The following ISX variants were observed in gnomAD, a reference collection of about 807,000 sequenced individuals.
ISX encodes the protein intestine-specific homeobox.
Under a neutral mutation model 16.9 loss-of-function variants are expected in ISX, and 15 were observed. The observed-to-expected ratio is 0.89, with a 90% CI of 0.59 to 1.36. The LOEUF (loss-of-function observed/expected upper bound fraction) is 1.36. Ranked by LOEUF, ISX falls within the 40% of genes most tolerant of loss-of-function variation. The pLI is 0.00. For missense variants in ISX, 316 were observed against 306.1 expected (o/e 1.03, Z -0.24); for synonymous variants, 125 against 119.7 (o/e 1.04, Z -0.29).
intron 3 of ISX, 129 bp downstream of exon 3, chr22:35,082,798 T>G: frequency 1.1e-6 from 1 of 881,430 alleles, no homozygotes; most frequent in Non-Finnish European, 1.7e-6. Context: ...GTGAGTACAG[T>G]CATTTTGGCC....
chr22:35,083,889 G>A (rs1601562043), intron 3 of ISX, among the ~76,000 whole-genome samples: 1 of 152,390 alleles, frequency 6.6e-6, no homozygotes, highest in South Asian at 2.1e-4. Context: ...AATGCAGGGA[G>A]CTGCCAATAT....
At chr22:35,068,611 G>T (rs1008330033) in intron 2 of ISX, among the ~76,000 whole-genome samples, 3 of 152,178 alleles carry the variant, frequency 2.0e-5, no homozygotes, top group Admixed American at 6.5e-5. Flanking sequence ...TGAGAGAGAG[G>T]TCTCGCTTTT....
intron 2 of ISX, among the ~76,000 whole-genome samples, chr22:35,068,543 A>T (rs1928767499): frequency 6.6e-6 from 1 of 152,180 alleles, no homozygotes; most frequent in African/African-American, 2.4e-5. Context: ...GAACATTTCC[A>T]TTGGGGTCCT....
chr22:35,078,885 G>A (rs1286214398), intron 2 of ISX, among the ~76,000 whole-genome samples: 1 of 152,214 alleles, frequency 6.6e-6, no homozygotes, highest in African/African-American at 2.4e-5. Context: ...CCCAGAGACG[G>A]AGGATTACAA....
At chr22:35,069,932 C>T (rs1197986679) in intron 2 of ISX, among the ~76,000 whole-genome samples, 1 of 152,194 alleles carries the variant, frequency 6.6e-6, no homozygotes, top group Non-Finnish European at 1.5e-5. Context: ...CTGTCAGGCC[C>T]AGCAACCAAG....
chr22:35,070,729 G>A (rs1569110976), intron 2 of ISX, among the ~76,000 whole-genome samples: 5 of 152,260 alleles, frequency 3.3e-5, no homozygotes, highest in Admixed American at 2.0e-4. Flanking sequence ...GTCCCTGGCA[G>A]TGCCACCTTG....
At chr22:35,067,496 T>A (rs1928735507) in intron 2 of ISX, among the ~76,000 whole-genome samples, 180 bp downstream of exon 2, 1 of 152,228 alleles carries the variant, frequency 6.6e-6, no homozygotes. Flanking sequence ...ACTGTGCTTT[T>A]CAGCTTCAGA....
rs919705683 is a variant in ISX at position 35,083,978 on chromosome 22, C to T, written c.382-405C>T. 5.3e-5 allele frequency among the ~76,000 whole-genome samples: 8 copies of T among 152,268 alleles called. No individual in the cohort carries two copies. The East Asian group carries it at 1.5e-3, about 29-fold the overall frequency. Reference sequence around the variant, plus strand: ...ACACATGACTTCCATTTGGTCTGCACAGTAGTTTAAAACTCAGAAGCTTTC... The same window carrying T: ...ACACATGACTTCCATTTGGTCTGCATAGTAGTTTAAAACTCAGAAGCTTTC... On this transcript the variant is annotated intron_variant, in intron 3 of 4. Coordinates refer to ENST00000404699, the MANE Select transcript of ISX (RefSeq NM_001303508.2).
At chr22:35,077,032 T>C (rs1273899788) in intron 2 of ISX, among the ~76,000 whole-genome samples, 1 of 152,190 alleles carries the variant, frequency 6.6e-6, no homozygotes, top group East Asian at 1.9e-4. Flanking sequence ...GATGCTGGGC[T>C]GGATGGGAAC....
intron 2 of ISX, among the ~76,000 whole-genome samples, chr22:35,081,678 G>A (rs1929126342): frequency 6.6e-6 from 1 of 152,168 alleles, no homozygotes; most frequent in South Asian, 2.1e-4. Flanking sequence ...GTGGAACCAA[G>A]TTTCTTCATG....
chr22:35,081,660 G>A (rs977189398), intron 2 of ISX, among the ~76,000 whole-genome samples: 4 of 152,172 alleles, frequency 2.6e-5, no homozygotes, highest in Non-Finnish European at 4.4e-5. Context: ...CAAGCACTGA[G>A]TTGCAGAGTG....
At chr22:35,079,840 A>T (rs188520601) in intron 2 of ISX, among the ~76,000 whole-genome samples, 94 of 152,320 alleles carry the variant, frequency 6.2e-4, no homozygotes, top group African/African-American at 2.2e-3. Flanking sequence ...TAAGACAAGG[A>T]TTTTAATTCT....
intron 3 of ISX, among the ~76,000 whole-genome samples, chr22:35,083,154 AT>A (rs1330061057): frequency 2.0e-5 from 3 of 152,232 alleles, no homozygotes; most frequent in Non-Finnish European, 4.4e-5. Flanking sequence ...TGAACATGAA[AT>A]TTGAATGTTG....
chr22:35,075,622 C>T (rs986005740), intron 2 of ISX, among the ~76,000 whole-genome samples: 8 of 152,036 alleles, frequency 5.3e-5, no homozygotes, highest in African/African-American at 1.9e-4. Flanking sequence ...TTTTTAAATA[C>T]GTAAGTAAAA....
chr22:35,067,205 C>A lies in ISX; in HGVS notation c.118C>A (p.Pro40Thr). The A allele has an allele frequency of 6.2e-7, 1 of 1,611,486 alleles. No individual in the cohort carries two copies. The highest frequency in any genetic ancestry group is 8.5e-7 in the Non-Finnish European group (1 of 1,178,772). Reference protein sequence around the residue: ...SFSIEAILKRPARRSDMDRPE... With the variant: ...SFSIEAILKRTARRSDMDRPE... ...CTCCATTGAGGCGATCCTAAAGAGG[C>A]CTGCCAGGAGGAGTGATATGGACAG... is the stretch of plus-strand genomic sequence containing the variant. The change falls in exon 2 of 5, where the codon CCT becomes ACT. Residue 40 changes from proline to threonine, a missense_variant. Coordinates refer to ENST00000404699, the MANE Select transcript of ISX (RefSeq NM_001303508.2).
At chr22:35,069,046 C>CTA (rs1928780577) in intron 2 of ISX, among the ~76,000 whole-genome samples, 4 of 152,140 alleles carry the variant, frequency 2.6e-5, no homozygotes, top group Non-Finnish European at 5.9e-5. Flanking sequence ...GGAGAGGGTC[C>CTA]CACTGGCGGC....
chr22:35,084,140 A>T (rs1464292550), intron 3 of ISX, among the ~76,000 whole-genome samples: 1 of 152,198 alleles, frequency 6.6e-6, no homozygotes, highest in Non-Finnish European at 1.5e-5. Flanking sequence ...CGCCAATCCC[A>T]ATTGGGCAGC....
At chr22:35,070,585 C>A (rs988377480) in intron 2 of ISX, among the ~76,000 whole-genome samples, 8 of 152,214 alleles carry the variant, frequency 5.3e-5, no homozygotes, top group Admixed American at 2.6e-4. Context: ...AGGTATCTTC[C>A]CTTGCCTGCT....
In ISX at chr22:35,084,298, A is replaced by G. The variant is rs1299853361; in HGVS notation, c.382-85A>G. ...AAACTATAAAGTACAGTCCCTTGGA[A>G]GGTGTAGTTATTATGAATTTGGGGG... On this transcript the variant is annotated intron_variant, in intron 3 of 4. Transcript: ENST00000404699. 7 of 846,514 alleles carry G rather than the reference A, an allele frequency of 8.3e-6. No homozygotes were observed. In the Admixed American group the frequency reaches 1.3e-4, roughly 16 times the overall value. The allele number at this position is 846,514 out of a possible 1,614,324, so 52.4% of individuals were successfully genotyped here.
Sources: allele counts gnomAD v4.1 joint callset (sites outside exome capture counted in the v4.1 genomes callset), GRCh38; gene constraint gnomAD v4.1.1; transcripts MANE v1.5; gene names NCBI Gene and HGNC (gene_info 2026-07-23, HGNC 2026-07-21).